ZDHHC14: variants seen among roughly 807,000 people sequenced by gnomAD.
ZDHHC14 encodes palmitoyltransferase ZDHHC14.
Under a neutral mutation model 47.7 loss-of-function variants are expected in ZDHHC14, and 16 were observed. That is an observed-to-expected ratio of 0.34 (90% CI 0.23 to 0.51). The LOEUF is 0.51. ZDHHC14 is among the 20% of genes least tolerant of loss of function. ZDHHC14 has a pLI of 0.97. For synonymous variants in ZDHHC14, 293 were observed against 278.9 expected, an observed-to-expected ratio of 1.05 and a Z score of -0.50; for missense variants, 515 against 662.5, an observed-to-expected ratio of 0.78 and a Z score of 2.44.
intron 1 of ZDHHC14, among the ~76,000 whole-genome samples, chr6:157,421,741 G>A (rs868296423): frequency 1.4e-4 from 21 of 151,970 alleles, no homozygotes; most frequent in Non-Finnish European, 1.9e-4. Context: ...CTAAGTAGCT[G>A]GGATTATAGC....
intron 1 of ZDHHC14, among the ~76,000 whole-genome samples, chr6:157,451,499 C>A (rs976438690): frequency 3.3e-5 from 5 of 152,186 alleles, no homozygotes; most frequent in Non-Finnish European, 7.3e-5. Context: ...ATTCAGTAAC[C>A]ATCCACTAAT....
At chr6:157,617,682 CT>C (rs34915179) in intron 3 of ZDHHC14, among the ~76,000 whole-genome samples, 76,651 of 152,028 alleles carry the variant, frequency 0.5, 22,256 homozygotes, top group East Asian at 0.87. Flanking sequence ...ATTCTGAAAT[CT>C]TTTATTTTGA....
intron 2 of ZDHHC14, among the ~76,000 whole-genome samples, chr6:157,590,950 G>A (rs1783885588): frequency 6.6e-6 from 1 of 152,230 alleles, no homozygotes. Context: ...GGAGTCAAAG[G>A]AGATTATTTT....
rs983330606 is a variant in ZDHHC14, at chr6:157,672,885, A to G, written c.1230A>G (p.Thr410=). 1 of 1,605,164 alleles carries G rather than the reference A, an allele frequency of 6.2e-7. No individual in the cohort carries two copies. The highest frequency in any genetic ancestry group is 2.2e-5 in the East Asian group (1 of 44,466). ...CCAGCCTCACACTGGGCCCGCCCAC[A>G]CCGCCCGCCTCCATGCCCAACCTCG... is the stretch of plus-strand genomic sequence containing the variant. ...PCASLTLGPP[T]PPASMPNLAE... The change falls in exon 9 of 9, where the codon ACA becomes ACG. Residue 410 remains threonine, a synonymous_variant. Transcript: ENST00000359775.
intron 1 of ZDHHC14, among the ~76,000 whole-genome samples, chr6:157,480,650 G>C (rs894132681): frequency 3.2e-4 from 48 of 152,294 alleles, no homozygotes; most frequent in African/African-American, 1.1e-3. Context: ...CTCCCACTTT[G>C]CTACCCATGG....
chr6:157,490,079 G>A (rs551501529), intron 1 of ZDHHC14, among the ~76,000 whole-genome samples: 2 of 152,240 alleles, frequency 1.3e-5, no homozygotes, highest in East Asian at 3.9e-4. Flanking sequence ...GAGATCAAGG[G>A]TGACCCCCCT....
intron 7 of ZDHHC14, among the ~76,000 whole-genome samples, chr6:157,652,186 C>G (rs1043521377): frequency 2.6e-5 from 4 of 152,078 alleles, no homozygotes; most frequent in African/African-American, 7.2e-5. Context: ...GGCAGAGAGT[C>G]CCATTTGAGG....
At chr6:157,531,528 C>T (rs1781367810) in intron 1 of ZDHHC14, among the ~76,000 whole-genome samples, 1 of 152,122 alleles carries the variant, frequency 6.6e-6, no homozygotes, top group South Asian at 2.1e-4. Context: ...TGGTTCCCTC[C>T]ACCGTTCCTC....
intron 2 of ZDHHC14, among the ~76,000 whole-genome samples, chr6:157,558,891 G>A (rs1566956): frequency 0.3 from 46,040 of 151,824 alleles, 7,107 homozygotes; most frequent in East Asian, 0.41. Context: ...CTGGAAGCAG[G>A]ACTTGCAGGC....
intron 5 of ZDHHC14, among the ~76,000 whole-genome samples, chr6:157,641,589 A>G (rs926058174): frequency 6.6e-6 from 1 of 152,002 alleles, no homozygotes; most frequent in Non-Finnish European, 1.5e-5. Context: ...TGTTTCTCAA[A>G]AATAATAATA....
rs1484791122 is a variant in ZDHHC14, at chr6:157,401,864, G to A, written c.245+19598G>A. Among the ~76,000 whole-genome samples, 4 of 148,236 alleles carry A rather than the reference G, an allele frequency of 2.7e-5. No homozygotes were observed. In the East Asian group the frequency reaches 6.0e-4, roughly 22 times the overall value. ...GCAGAGGTCACAGCAAGTGATATGT[G>A]CACCTGCTGAGGTCTCAGCTGCAGT... On this transcript the variant is annotated intron_variant, in intron 1 of 8. Transcript: ENST00000359775.
At chr6:157,647,463 G>A (rs570184872) in intron 7 of ZDHHC14, 95 bp downstream of exon 7, 22 of 859,574 alleles carry the variant, frequency 2.6e-5, no homozygotes, top group African/African-American at 1.9e-4. Context: ...GGAATGGGTC[G>A]CCGCCACCAC....
chr6:157,405,548 T>TA (rs1777738212), intron 1 of ZDHHC14, among the ~76,000 whole-genome samples: 1 of 151,848 alleles, frequency 6.6e-6, no homozygotes, highest in Non-Finnish European at 1.5e-5. Context: ...AAAATTTTTT[T>TA]TAAAAAAAAT....
intron 1 of ZDHHC14, among the ~76,000 whole-genome samples, chr6:157,452,859 C>T (rs1436999756): frequency 1.3e-5 from 2 of 151,904 alleles, no homozygotes; most frequent in Admixed American, 1.3e-4. Flanking sequence ...TGCACCACCA[C>T]ACCCGGCTAA....
intron 2 of ZDHHC14, among the ~76,000 whole-genome samples, chr6:157,580,714 G>T (rs1198588968): frequency 2.0e-5 from 3 of 149,848 alleles, no homozygotes; most frequent in Admixed American, 1.3e-4. Context: ...TTTGTGTTTT[G>T]TGTGTGTGTG....
chr6:157,413,943 A>G (rs1403499198), intron 1 of ZDHHC14, among the ~76,000 whole-genome samples: 5 of 151,620 alleles, frequency 3.3e-5, no homozygotes. Flanking sequence ...TATTATTATT[A>G]TTATTTGGCT....
intron 1 of ZDHHC14, among the ~76,000 whole-genome samples, chr6:157,510,016 G>A (rs1162372123): frequency 2.6e-5 from 4 of 152,204 alleles, no homozygotes; most frequent in African/African-American, 4.8e-5. Context: ...AGGCTAAGGC[G>A]GGTGGATCAC....
intron 3 of ZDHHC14, among the ~76,000 whole-genome samples, chr6:157,623,204 TGTA>T (rs1379179031): frequency 6.6e-6 from 1 of 152,134 alleles, no homozygotes; most frequent in Non-Finnish European, 1.5e-5. Flanking sequence ...CATCCTTAAT[TGTA>T]GTTCCCATAA....
intron 1 of ZDHHC14, among the ~76,000 whole-genome samples, chr6:157,406,792 G>A (rs1777774985): frequency 6.6e-6 from 1 of 152,214 alleles, no homozygotes; most frequent in South Asian, 2.1e-4. Context: ...AGCTGAACAT[G>A]CAGCCTTGCT....
Sources: gnomAD v4.1 joint callset for allele counts (sites outside exome capture counted in the v4.1 genomes callset) on GRCh38, gnomAD v4.1.1 for gene constraint, MANE v1.5 for transcripts, NCBI Gene and HGNC (gene_info 2026-07-23, HGNC 2026-07-21) for gene names.